The following PPP1R12A variants were observed in gnomAD, a reference collection of about 807,000 sequenced individuals.
PPP1R12A encodes the protein protein phosphatase 1 regulatory subunit 12A, also known as myosin binding subunit.
PPP1R12A carries 19 observed loss-of-function variants against 139.6 expected under a neutral mutation model. That is an observed-to-expected ratio of 0.14 (90% CI 0.09 to 0.20). The LOEUF is 0.20. Ranked by LOEUF, PPP1R12A falls within the 10% of genes least tolerant of loss-of-function variation. PPP1R12A has a pLI of 1.00. For missense variants in PPP1R12A, 925 were observed against 1,211.5 expected (o/e 0.76, Z 3.51); for synonymous variants, 427 against 420.6 (o/e 1.02, Z -0.19).
At chr12:79,822,303 G>T in intron 5 of PPP1R12A, 113 bp from the exon 6 acceptor site, 2 of 692,550 alleles carry the variant, frequency 2.9e-6, no homozygotes, top group Non-Finnish European at 4.7e-6. Context: ...TTTTTACAGT[G>T]GTTATGATAC....
chr12:79,902,339 G>A lies in PPP1R12A; in HGVS notation c.238-29401C>T, dbSNP rs910729797. ...TCTTAAGCCCTTTCATTAGTACTGC[G>A]TTTTATATATTATTTTATACATACA... On this transcript the variant is annotated intron_variant, in intron 1 of 24. Transcript: ENST00000450142. Among the ~76,000 whole-genome samples the A allele has an allele frequency of 7.2e-5, 11 of 151,984 alleles. No homozygotes were observed. In the East Asian group the frequency reaches 1.9e-3, roughly 27 times the overall value.
At chr12:79,808,601 G>C (rs767194190) in intron 10 of PPP1R12A, 24 bp from the exon 11 acceptor site, 1 of 1,453,614 alleles carries the variant, frequency 6.9e-7, no homozygotes, top group Non-Finnish European at 9.6e-7. Flanking sequence ...AAAAAAATAA[G>C]TAAAAATTAA....
chr12:79,851,285 A>G (rs1880011220), intron 2 of PPP1R12A, among the ~76,000 whole-genome samples: 1 of 152,236 alleles, frequency 6.6e-6, no homozygotes, highest in Admixed American at 6.5e-5. Context: ...AATGCAAAAT[A>G]GTAAATAATC....
At chr12:79,935,293 T>C, upstream of PPP1R12A, 1 of 1,055,126 alleles carries the variant, frequency 9.5e-7, no homozygotes, top group Non-Finnish European at 1.1e-6. Context: ...ACTGCGGCGG[T>C]GGTGGCTGGG....
intron 1 of PPP1R12A, among the ~76,000 whole-genome samples, chr12:79,906,279 T>C (rs528774991): frequency 1.6e-4 from 25 of 152,104 alleles, no homozygotes; most frequent in African/African-American, 5.3e-4. Flanking sequence ...AAAAACTGTA[T>C]AGTACAATCA....
intron 1 of PPP1R12A, among the ~76,000 whole-genome samples, chr12:79,917,276 C>A (rs535384405): frequency 6.6e-6 from 1 of 151,688 alleles, no homozygotes; most frequent in African/African-American, 2.4e-5. Context: ...CACGAGGTCA[C>A]GAGATCGAGA....
At chr12:79,921,098 C>G (rs1198263462) in intron 1 of PPP1R12A, among the ~76,000 whole-genome samples, 2 of 152,096 alleles carry the variant, frequency 1.3e-5, no homozygotes, top group Non-Finnish European at 2.9e-5. Flanking sequence ...GTCTTCTCAG[C>G]ACTTAGTAGT....
intron 14 of PPP1R12A, among the ~76,000 whole-genome samples, chr12:79,800,098 T>C (rs1218393532): frequency 1.3e-5 from 2 of 152,192 alleles, no homozygotes; most frequent in Non-Finnish European, 2.9e-5. Flanking sequence ...CAATATTTCT[T>C]GGGAAGTTCA....
At chr12:79,906,172 T>G (rs1244515598) in intron 1 of PPP1R12A, among the ~76,000 whole-genome samples, 1 of 151,906 alleles carries the variant, frequency 6.6e-6, no homozygotes, top group Non-Finnish European at 1.5e-5. Context: ...AATAAAAACC[T>G]AGAAACAGAA....
At chr12:79,799,963 G>C (rs1228960415) in intron 14 of PPP1R12A, among the ~76,000 whole-genome samples, 1 of 151,946 alleles carries the variant, frequency 6.6e-6, no homozygotes, top group Non-Finnish European at 1.5e-5. Context: ...AGCTGAGATT[G>C]TACCACCCCG....
In PPP1R12A at chr12:79,899,233, A is replaced by T. The variant is rs949710699; in HGVS notation, c.238-26295T>A. On this transcript the variant is annotated intron_variant, in intron 1 of 24. Coordinates refer to ENST00000450142, the MANE Select transcript of PPP1R12A (RefSeq NM_002480.3). ...TACAATGAAATGCAGAGATCTTAAA[A>T]ATATATATATATATATATATATATA... is the stretch of plus-strand genomic sequence containing the variant. 2.5e-4 allele frequency among the ~76,000 whole-genome samples: 35 copies of T among 141,914 alleles called. No individual in the cohort carries two copies. The East Asian group carries it at 3.2e-3, about 13-fold the overall frequency. 93.1% of individuals were successfully genotyped at this position (141,914 alleles called of 152,430 possible). A position where few individuals can be genotyped will look rare whatever the true frequency, so the allele number is the denominator to read the frequency against.
intron 1 of PPP1R12A, among the ~76,000 whole-genome samples, chr12:79,879,283 C>T (rs561975612): frequency 2.4e-4 from 37 of 152,162 alleles, no homozygotes; most frequent in African/African-American, 8.9e-4. Context: ...ATGAGAATCG[C>T]TTGAACCTGG....
At chr12:79,921,531 T>C (rs748530882) in intron 1 of PPP1R12A, among the ~76,000 whole-genome samples, 1 of 152,230 alleles carries the variant, frequency 6.6e-6, no homozygotes, top group Non-Finnish European at 1.5e-5. Flanking sequence ...CTTCCATTGA[T>C]ACTCTGGGTT....
intron 1 of PPP1R12A, among the ~76,000 whole-genome samples, chr12:79,898,044 T>C (rs2137456252): frequency 6.6e-6 from 1 of 152,366 alleles, no homozygotes; most frequent in African/African-American, 2.4e-5. Flanking sequence ...TTTTTAAATG[T>C]CTACTGCCAG....
intron 1 of PPP1R12A, among the ~76,000 whole-genome samples, chr12:79,913,277 G>A (rs1358795262): frequency 1.3e-5 from 2 of 152,092 alleles, no homozygotes; most frequent in Non-Finnish European, 2.9e-5. Flanking sequence ...CCTACCCGAA[G>A]GTTATGAAGA....
chr12:79,890,555 T>A (rs1472097477), intron 1 of PPP1R12A, among the ~76,000 whole-genome samples: 1 of 152,204 alleles, frequency 6.6e-6, no homozygotes, highest in Admixed American at 6.5e-5. Context: ...TAACATTTTT[T>A]AATTAAAATA....
At chr12:79,902,603 C>T (rs755340133) in intron 1 of PPP1R12A, among the ~76,000 whole-genome samples, 35 of 151,940 alleles carry the variant, frequency 2.3e-4, no homozygotes, top group Non-Finnish European at 4.0e-4. Flanking sequence ...TCAATTTTTA[C>T]AGGTACATAG....
chr12:79,927,911 C>T (rs1185005349), intron 1 of PPP1R12A, among the ~76,000 whole-genome samples: 3 of 152,154 alleles, frequency 2.0e-5, no homozygotes, highest in African/African-American at 7.2e-5. Context: ...TGGAGCCCCA[C>T]AAACTTTCAA....
intron 2 of PPP1R12A, among the ~76,000 whole-genome samples, chr12:79,849,731 G>C (rs1879829258): frequency 6.6e-6 from 1 of 152,110 alleles, no homozygotes; most frequent in African/African-American, 2.4e-5. Flanking sequence ...AGAAAATCAG[G>C]CCTATATTTT....
Sources: allele counts gnomAD v4.1 joint callset (sites outside exome capture counted in the v4.1 genomes callset), GRCh38; gene constraint gnomAD v4.1.1; transcripts MANE v1.5; gene names NCBI Gene and HGNC (gene_info 2026-07-23, HGNC 2026-07-21).